The following TSC22D1 variants were observed in gnomAD, a reference collection of about 807,000 sequenced individuals.
The protein encoded by TSC22D1 is TSC22 domain family member 1.
In TSC22D1, 9 loss-of-function variants were observed where a neutral mutation model predicts 74.2. The ratio of observed to expected loss-of-function variants is 0.12; its 90% CI spans 0.07 to 0.21. The LOEUF (loss-of-function observed/expected upper bound fraction) is 0.21. TSC22D1 is among the 10% of genes least tolerant of loss of function. TSC22D1 has a pLI of 1.00. For synonymous variants in TSC22D1, 586 were observed against 492.5 expected (o/e 1.19, Z -2.51); for missense variants, 1,427 against 1,304.7 (o/e 1.09, Z -1.44).
chr13:44,448,768 T>C (rs1875887467), intron 1 of TSC22D1, among the ~76,000 whole-genome samples: 1 of 152,130 alleles, frequency 6.6e-6, no homozygotes, highest in Non-Finnish European at 1.5e-5. Context: ...GGTTTAGAAA[T>C]GGAGGCTCAA....
chr13:44,575,246 T>C lies in TSC22D1; in HGVS notation c.829A>G (p.Thr277Ala), dbSNP rs201458595. The C allele has an allele frequency of 3.5e-5, 57 of 1,613,968 alleles. No homozygotes were observed. Among genetic ancestry groups the C allele is most frequent in the Non-Finnish European group, 4.4e-5 (52 of 1,180,050 alleles). ...SSDSITPVAP[T>A]SAVSSSGSPA... ...GAACCACTGGATGATACAGCAGAAG[T>C]TGGTGCAACTGGTGTGATACTGTCA... The change falls in exon 1 of 3, where the codon ACT becomes GCT. Residue 277 changes from threonine (T) to alanine (A), a missense_variant. Transcript: ENST00000458659.
chr13:44,480,718 T>C (rs1453164337), intron 1 of TSC22D1, among the ~76,000 whole-genome samples: 1 of 152,188 alleles, frequency 6.6e-6, no homozygotes, highest in Non-Finnish European at 1.5e-5. Flanking sequence ...CAGACAACTC[T>C]AGAATTTCTA....
chr13:44,492,194 T>C (rs1224683455), intron 1 of TSC22D1, among the ~76,000 whole-genome samples: 4 of 148,938 alleles, frequency 2.7e-5, no homozygotes, highest in East Asian at 3.8e-4. Context: ...TACAGTTAAA[T>C]AGCTAGCTTA....
At chr13:44,469,654 CTTGAA>C (rs1877487566) in intron 1 of TSC22D1, among the ~76,000 whole-genome samples, 1 of 152,088 alleles carries the variant, frequency 6.6e-6, no homozygotes, top group South Asian at 2.1e-4. Flanking sequence ...GTTTGTCAGA[CTTGAA>C]TTGTATTATT....
intron 1 of TSC22D1, among the ~76,000 whole-genome samples, chr13:44,535,709 T>G (rs1369367388): frequency 6.6e-6 from 1 of 151,950 alleles, no homozygotes; most frequent in Non-Finnish European, 1.5e-5. Context: ...GTTAACCTCG[T>G]CAGTGATGGT....
chr13:44,474,727 G>A (rs1205075727), intron 1 of TSC22D1, among the ~76,000 whole-genome samples: 1 of 151,778 alleles, frequency 6.6e-6, no homozygotes, highest in Non-Finnish European at 1.5e-5. Context: ...AGGGAGAGGA[G>A]ATGAAGAAAG....
At chr13:44,545,514 T>C (rs909939200) in intron 1 of TSC22D1, among the ~76,000 whole-genome samples, 1 of 151,830 alleles carries the variant, frequency 6.6e-6, no homozygotes, top group African/African-American at 2.4e-5. Context: ...TTCTTCGTCT[T>C]GCTAGCATGA....
chr13:44,512,814 T>C (rs761930486), intron 1 of TSC22D1, among the ~76,000 whole-genome samples: 73 of 152,068 alleles, frequency 4.8e-4, no homozygotes, highest in Non-Finnish European at 7.2e-4. Flanking sequence ...CACGCCCAGC[T>C]AATTATTGTA....
chr13:44,435,162 G>A (rs1874444599), intron 2 of TSC22D1: 1 of 331,910 alleles, frequency 3.0e-6, no homozygotes, highest in East Asian at 5.8e-5. Flanking sequence ...AGAGCCGGGC[G>A]CTGGGTCCCC....
At chr13:44,484,965 T>C (rs1186586507) in intron 1 of TSC22D1, among the ~76,000 whole-genome samples, 2 of 152,210 alleles carry the variant, frequency 1.3e-5, no homozygotes, top group African/African-American at 4.8e-5. Context: ...TTTCCTCATT[T>C]ACAAAATGAA....
At chr13:44,526,957 A>T (rs1356873890) in intron 1 of TSC22D1, among the ~76,000 whole-genome samples, 1 of 152,244 alleles carries the variant, frequency 6.6e-6, no homozygotes, top group Non-Finnish European at 1.5e-5. Flanking sequence ...GGTAGTTAAG[A>T]GAAACCTTAC....
intron 1 of TSC22D1, among the ~76,000 whole-genome samples, chr13:44,560,230 G>A (rs1882950057): frequency 2.6e-5 from 4 of 151,848 alleles, no homozygotes; most frequent in Admixed American, 2.6e-4. Flanking sequence ...AGGAGTTTGA[G>A]CCCACCCTGG....
At chr13:44,500,685 A>T (rs1396052855) in intron 1 of TSC22D1, among the ~76,000 whole-genome samples, 1 of 152,040 alleles carries the variant, frequency 6.6e-6, no homozygotes, top group Non-Finnish European at 1.5e-5. Context: ...TTCTATGGAC[A>T]TGCTTCGTTT....
intron 1 of TSC22D1, among the ~76,000 whole-genome samples, chr13:44,544,575 T>C (rs566680824): frequency 6.7e-6 from 1 of 149,634 alleles, no homozygotes; most frequent in Non-Finnish European, 1.5e-5. Flanking sequence ...GAAGGAAGTC[T>C]GAACTTAAGG....
chr13:44,450,919 C>A (rs1295531038), intron 1 of TSC22D1, among the ~76,000 whole-genome samples: 2 of 152,010 alleles, frequency 1.3e-5, no homozygotes, highest in Non-Finnish European at 2.9e-5. Context: ...CTGGGGCAGC[C>A]GTTTGGCATA....
At chr13:44,477,862 C>T (rs1175363789) in intron 1 of TSC22D1, among the ~76,000 whole-genome samples, 1 of 151,968 alleles carries the variant, frequency 6.6e-6, no homozygotes, top group East Asian at 1.9e-4. Flanking sequence ...AGGCTGGTCT[C>T]AAACTCCTGA....
chr13:44,456,947 T>A (rs1322265149), intron 1 of TSC22D1, among the ~76,000 whole-genome samples: 1 of 152,092 alleles, frequency 6.6e-6, no homozygotes, highest in Non-Finnish European at 1.5e-5. Flanking sequence ...AGGAGAAAAG[T>A]GTCATAAAAT....
chr13:44,565,614 T>G (rs1595173124), intron 1 of TSC22D1, among the ~76,000 whole-genome samples: 5 of 152,180 alleles, frequency 3.3e-5, no homozygotes, highest in African/African-American at 1.2e-4. Flanking sequence ...ACCATGACAT[T>G]TTCAACCTTA....
chr13:44,446,788 GAGGAGGAGGAGGAAA>G (rs1208088556), intron 1 of TSC22D1, among the ~76,000 whole-genome samples: 57 of 136,806 alleles, frequency 4.2e-4, no homozygotes, highest in African/African-American at 1.5e-3. Context: ...GGAAGAAGAG[GAGGAGGAGGAGGAAA>G]AGGAGGAGGA....
Sources: allele counts gnomAD v4.1 joint callset (sites outside exome capture counted in the v4.1 genomes callset), GRCh38; gene constraint gnomAD v4.1.1; transcripts MANE v1.5; gene names NCBI Gene and HGNC (gene_info 2026-07-23, HGNC 2026-07-21).